The following ABCA5 variants were observed in gnomAD, a reference collection of about 807,000 sequenced individuals.
ABCA5 encodes ATP binding cassette subfamily A member 5, also known as cholesterol transporter ABCA5.
A neutral mutation model predicts 206.0 loss-of-function variants in ABCA5; 163 were observed. The ratio of observed to expected loss-of-function variants is 0.79; its 90% confidence interval spans 0.70 to 0.90. ABCA5 has a LOEUF of 0.90. Among genes scored for constraint, ABCA5 ranks in the 40% least tolerant of loss-of-function variants. The pLI is 0.00. For synonymous variants in ABCA5, 609 were observed against 613.8 expected (o/e 0.99, Z 0.11); for missense variants, 1,859 against 1,912.9 (o/e 0.97, Z 0.53).
rs775962048 is a variant in ABCA5, at chr17:69,309,331, AGT to A, written c.398_399del (p.Asp133ValfsTer5). On this transcript the variant is annotated frameshift_variant, in exon 4 of 39. Transcript: ENST00000392676. LOFTEE classifies it high-confidence loss of function. The part of the protein sequence containing the change: ...PSNFVGVVFK[D>X]SMSYELRFFP... ...AAAAAACGAAGTTCATAGGACATGG[AGT>A]CTTTGAAAACCACACCTACAAAGTT... The A allele has an allele frequency of 1.9e-6, 3 of 1,607,186 alleles. No homozygotes were observed. The South Asian group carries it at 3.3e-5, about 18-fold the overall frequency.
At chr17:69,284,623 A>G (rs984651306) in intron 17 of ABCA5, among the ~76,000 whole-genome samples, 1 of 152,176 alleles carries the variant, frequency 6.6e-6, no homozygotes, top group Non-Finnish European at 1.5e-5. Flanking sequence ...TAAAAACTGC[A>G]TCTTTTAAAA....
At chr17:69,312,612 T>C (rs1036765019) in intron 3 of ABCA5, among the ~76,000 whole-genome samples, 6 of 152,148 alleles carry the variant, frequency 3.9e-5, no homozygotes, top group African/African-American at 7.2e-5. Flanking sequence ...TCCCATTCTG[T>C]TGCCCAGAGT....
intron 11 of ABCA5, among the ~76,000 whole-genome samples, chr17:69,291,600 G>A (rs1264635917): frequency 6.6e-6 from 1 of 152,088 alleles, no homozygotes; most frequent in Non-Finnish European, 1.5e-5. Flanking sequence ...CAATTTTTGG[G>A]AATTACCAAT....
At chr17:69,311,157 G>A (rs2075764758) in intron 3 of ABCA5, among the ~76,000 whole-genome samples, 1 of 151,978 alleles carries the variant, frequency 6.6e-6, no homozygotes, top group Admixed American at 6.6e-5. Context: ...TCACAGCACT[G>A]CAAACCAGCT....
intron 12 of ABCA5, among the ~76,000 whole-genome samples, chr17:69,290,244 T>C (rs2075511305): frequency 6.6e-6 from 1 of 152,152 alleles, no homozygotes; most frequent in South Asian, 2.1e-4. Flanking sequence ...TTACAGGTCA[T>C]ATAACATAGT....
chr17:69,253,269 G>A (rs7208570), intron 34 of ABCA5, among the ~76,000 whole-genome samples: 247 of 152,226 alleles, frequency 1.6e-3, no homozygotes, highest in African/African-American at 5.7e-3. Flanking sequence ...AAGATCATTT[G>A]TATGCTAAAT....
chr17:69,309,183 T>C (rs1447324904), intron 4 of ABCA5, 79 bp downstream of exon 4: 7 of 1,157,338 alleles, frequency 6.0e-6, no homozygotes, highest in Non-Finnish European at 8.3e-6. Flanking sequence ...TATTGAACTA[T>C]ATAAAATTTT....
intron 3 of ABCA5, among the ~76,000 whole-genome samples, chr17:69,311,783 T>C (rs998802068): frequency 3.3e-5 from 5 of 152,132 alleles, no homozygotes; most frequent in African/African-American, 7.2e-5. Flanking sequence ...TGAGTCACCA[T>C]GCCTGGCCTC....
intron 10 of ABCA5, among the ~76,000 whole-genome samples, chr17:69,295,261 A>G (rs1275511418): frequency 6.6e-6 from 1 of 152,148 alleles, no homozygotes; most frequent in Non-Finnish European, 1.5e-5. Flanking sequence ...AAGCAATTCA[A>G]CTTTTTCTTA....
At position 69,250,091 on chromosome 17, in the gene ABCA5, T is replaced by C. The variant is rs2074994668; in HGVS notation, c.4686-107A>G. 1.1e-5 allele frequency: 8 copies of C among 743,046 alleles called. No homozygotes were observed. The South Asian group carries it at 3.0e-4, about 28-fold the overall frequency. 46.0% of individuals were successfully genotyped at this position (743,046 alleles called of 1,614,324 possible). On this transcript the variant is annotated intron_variant, in intron 36 of 38. Coordinates refer to ENST00000392676, the MANE Select transcript of ABCA5 (RefSeq NM_172232.4). ...TTCAAAATTAAATTCAATAACTTAT[T>C]TTGGTATTTAGTTGGATGAAAATTG...
At chr17:69,286,114 A>G in intron 16 of ABCA5, 77 bp from the exon 17 acceptor site, 24 of 1,556,254 alleles carry the variant, frequency 1.5e-5, no homozygotes, top group Non-Finnish European at 2.1e-5. Context: ...TTTAAATTAA[A>G]TTTAGTACCA....
At chr17:69,283,876 T>A in intron 18 of ABCA5, 77 bp downstream of exon 18, 1 of 1,402,408 alleles carries the variant, frequency 7.1e-7, no homozygotes, top group Non-Finnish European at 9.5e-7. Context: ...AATATAAAAT[T>A]ACATTTATAT....
intron 35 of ABCA5, chr17:69,250,935 T>C (rs912629505): frequency 3.6e-5 from 6 of 167,626 alleles, no homozygotes; most frequent in Non-Finnish European, 7.6e-5. Context: ...CTATCCAGGA[T>C]ACCGTAGTGT....
At chr17:69,271,000 G>A (rs1329547210) in intron 21 of ABCA5, among the ~76,000 whole-genome samples, 162 bp downstream of exon 21, 14 of 152,092 alleles carry the variant, frequency 9.2e-5, no homozygotes, top group Admixed American at 9.2e-4. Flanking sequence ...GGTCATCTGT[G>A]AAGTAATGAA....
rs370220843 is a variant in ABCA5 at position 69,260,393 on chromosome 17, C to G, written c.3584G>C (p.Arg1195Pro). 5 of 1,605,766 alleles carry G rather than the reference C, an allele frequency of 3.1e-6. No individual in the cohort carries two copies. The South Asian group carries it at 4.4e-5, about 14-fold the overall frequency. The change falls in exon 27 of 39, where the codon CGA becomes CCA. Residue 1195 changes from arginine (R) to proline (P), a missense_variant. Physicochemically the swap from Arg to Pro is moderately radical, Grantham distance 103 (BLOSUM62 -2). Transcript: ENST00000392676. The stretch of plus-strand genomic sequence containing the variant: ...TGGATTATAGGTGTCCACATTTTTT[C>G]GTACATTCTTCCAAGAAATCTAAGA... Reference protein sequence around the residue: ...SFIKISWKNVRKNVDTYNPWD... With the variant: ...SFIKISWKNVPKNVDTYNPWD...
At position 69,253,853 on chromosome 17, in the gene ABCA5, C is replaced by T. The variant is rs377542095; in HGVS notation, c.4261G>A (p.Asp1421Asn). 8.7e-6 allele frequency: 14 copies of T among 1,611,578 alleles called. No homozygotes were observed. In the African/African-American group the frequency reaches 1.9e-4, roughly 22 times the overall value. Residue 1421 changes from aspartate (D) to asparagine (N), a missense_variant, in exon 33 of 39, where the codon GAT (aspartate) becomes AAT (asparagine). Coordinates refer to ENST00000392676, the MANE Select transcript of ABCA5 (RefSeq NM_172232.4). Reference sequence around the variant, plus strand: ...GTCTTCTGAAGATGTTCTTTTAAATCAAGTGCATGTGTTATTCTGCAAAAT... The same window carrying T: ...GTCTTCTGAAGATGTTCTTTTAAATTAAGTGCATGTGTTATTCTGCAAAAT... ...EVISRITHAL[D>N]LKEHLQKTVK...
Position 69,255,768 on chromosome 17 carries a change from ACTTT to A in ABCA5, c.3937_3940del (p.Lys1313TrpfsTer10), listed in dbSNP as rs754416631. The A allele has an allele frequency of 1.3e-6, 2 of 1,597,216 alleles. No individual in the cohort carries two copies. The highest frequency in any genetic ancestry group is 3.6e-5 in the Admixed American group (2 of 55,626). ...ACAGAAAGAGATGTATTTAGTTGCC[ACTTT>A]CTTTACTTTTCTTGAAAGAAGAAAA... On this transcript the variant is annotated frameshift_variant, in exon 30 of 39. Coordinates refer to ENST00000392676, the MANE Select transcript of ABCA5 (RefSeq NM_172232.4). LOFTEE classifies it high-confidence loss of function.
chr17:69,306,765 CT>C lies in ABCA5; in HGVS notation c.747del (p.Glu250AsnfsTer3). The part of the protein sequence containing the change: ...HIVAEKEKKI[K>X]EFLKIMGLHD... ...TGAAGTCCCATTATCTTTAAAAATTCTTTTATTTTTTTTTCTTTTTCTGCTA... is the reference window on the plus strand; with the variant it reads ...TGAAGTCCCATTATCTTTAAAAATTCTTTATTTTTTTTTCTTTTTCTGCTA... On this transcript the variant is annotated frameshift_variant, in exon 6 of 39. Coordinates refer to ENST00000392676, the MANE Select transcript of ABCA5 (RefSeq NM_172232.4). LOFTEE classifies it high-confidence loss of function. The C allele has an allele frequency of 6.4e-7, 1 of 1,560,614 alleles. No individual in the cohort carries two copies. Among genetic ancestry groups the C allele is most frequent in the Non-Finnish European group, 8.7e-7 (1 of 1,153,146 alleles).
intron 34 of ABCA5, among the ~76,000 whole-genome samples, chr17:69,252,714 G>T (rs573694002): frequency 2.0e-5 from 3 of 151,800 alleles, no homozygotes; most frequent in African/African-American, 4.8e-5. Flanking sequence ...GCTCTTGCCT[G>T]TAGTCCCAGG....
Sources: gnomAD v4.1 joint callset for allele counts (sites outside exome capture counted in the v4.1 genomes callset) on GRCh38, gnomAD v4.1.1 for gene constraint, MANE v1.5 for transcripts, NCBI Gene and HGNC (gene_info 2026-07-23, HGNC 2026-07-21) for gene names.